The following BTBD9 variants were observed in gnomAD, a reference collection of about 807,000 sequenced individuals.
BTBD9 encodes BTB/POZ domain-containing protein 9.
Under a neutral mutation model 64.3 loss-of-function variants are expected in BTBD9, and 49 were observed. That is an observed-to-expected ratio of 0.76 (90% CI 0.61 to 0.97). The LOEUF is 0.97. Among genes scored for constraint, BTBD9 ranks in the 50% least tolerant of loss-of-function variants. The pLI, the probability that BTBD9 is intolerant of heterozygous loss-of-function variation, is 0.00. For synonymous variants in BTBD9, 260 were observed against 274.7 expected, an observed-to-expected ratio of 0.95 and a Z score of 0.53; for missense variants, 598 against 762.1, an observed-to-expected ratio of 0.78 and a Z score of 2.53.
chr6:38,572,132 C>T (rs1427019376), intron 6 of BTBD9, among the ~76,000 whole-genome samples: 1 of 152,148 alleles, frequency 6.6e-6, no homozygotes, highest in Non-Finnish European at 1.5e-5. Flanking sequence ...CTGTTACTAT[C>T]ACAGTACCAT....
chr6:38,446,477 C>T (rs1352597960), intron 6 of BTBD9, among the ~76,000 whole-genome samples: 1 of 152,076 alleles, frequency 6.6e-6, no homozygotes, highest in Non-Finnish European at 1.5e-5. Context: ...GGTAGCTGTT[C>T]ACTTTTGTTT....
chr6:38,616,457 C>CT (rs202074071), intron 1 of BTBD9, among the ~76,000 whole-genome samples: 8,293 of 152,046 alleles, frequency 0.055, 339 homozygotes, highest in Admixed American at 0.12. Flanking sequence ...CTACTAAACA[C>CT]TTTTTTTTAA....
chr6:38,524,755 A>G (rs1323272580), intron 6 of BTBD9, among the ~76,000 whole-genome samples: 3 of 152,186 alleles, frequency 2.0e-5, no homozygotes, highest in Admixed American at 1.3e-4. Context: ...CTTGATAAAC[A>G]TTATAAAATT....
chr6:38,447,742 TC>T (rs1039580180), intron 6 of BTBD9, among the ~76,000 whole-genome samples: 3 of 152,232 alleles, frequency 2.0e-5, no homozygotes, highest in African/African-American at 7.2e-5. Context: ...TCCTTCTTTT[TC>T]CCTATTCACC....
chr6:38,522,494 C>A (rs957055735), intron 6 of BTBD9, among the ~76,000 whole-genome samples: 1 of 152,206 alleles, frequency 6.6e-6, no homozygotes, highest in African/African-American at 2.4e-5. Flanking sequence ...GCTCTGTTTG[C>A]AAATGCTTCT....
intron 7 of BTBD9, among the ~76,000 whole-genome samples, chr6:38,321,862 AT>A (rs1763248040): frequency 2.0e-5 from 3 of 151,428 alleles, no homozygotes; most frequent in African/African-American, 7.3e-5. Flanking sequence ...CACCACACAT[AT>A]TTACATATAT....
At chr6:38,219,100 G>C (rs1019614933) in intron 9 of BTBD9, among the ~76,000 whole-genome samples, 1 of 146,444 alleles carries the variant, frequency 6.8e-6, no homozygotes, top group East Asian at 2.0e-4. Context: ...GGGACAGATA[G>C]TATTAAGTCA....
intron 6 of BTBD9, among the ~76,000 whole-genome samples, chr6:38,521,400 T>C (rs925978003): frequency 2.0e-5 from 3 of 152,360 alleles, no homozygotes; most frequent in South Asian, 4.1e-4. Context: ...TCTACTTTAA[T>C]ACAGGTTGAG....
chr6:38,238,047 A>G (rs1561911464), intron 9 of BTBD9, among the ~76,000 whole-genome samples: 1 of 152,226 alleles, frequency 6.6e-6, no homozygotes, highest in Non-Finnish European at 1.5e-5. Context: ...TGGGAGATGG[A>G]AGCAGGAGGA....
chr6:38,181,182 C>T (rs1761538013), intron 10 of BTBD9, among the ~76,000 whole-genome samples: 1 of 152,160 alleles, frequency 6.6e-6, no homozygotes, highest in Non-Finnish European at 1.5e-5. Flanking sequence ...CCTAAGAGTC[C>T]ACTGTGAACT....
At chr6:38,544,193 G>C (rs980775578) in intron 6 of BTBD9, among the ~76,000 whole-genome samples, 10 of 152,034 alleles carry the variant, frequency 6.6e-5, no homozygotes, top group Non-Finnish European at 1.2e-4. Context: ...CTCATATTAG[G>C]TATTATAAGT....
intron 6 of BTBD9, among the ~76,000 whole-genome samples, chr6:38,445,392 T>C (rs956910605): frequency 4.6e-5 from 7 of 152,216 alleles, no homozygotes; most frequent in African/African-American, 1.7e-4. Flanking sequence ...CTGAAGAGTT[T>C]AATAAAAGGC....
At chr6:38,257,585 AT>A (rs1173289761) in intron 8 of BTBD9, among the ~76,000 whole-genome samples, 1 of 152,112 alleles carries the variant, frequency 6.6e-6, no homozygotes, top group African/African-American at 2.4e-5. Flanking sequence ...TCTCACCAGG[AT>A]TTTTACATAG....
At chr6:38,408,520 C>G (rs149668296) in intron 6 of BTBD9, among the ~76,000 whole-genome samples, 3 of 152,140 alleles carry the variant, frequency 2.0e-5, no homozygotes, top group African/African-American at 7.2e-5. Flanking sequence ...TTCCTTTGCT[C>G]GGGTTGAAAT....
intron 6 of BTBD9, among the ~76,000 whole-genome samples, chr6:38,363,422 C>G (rs1177585780): frequency 6.6e-6 from 1 of 152,186 alleles, no homozygotes; most frequent in African/African-American, 2.4e-5. Context: ...TAACAAAAAC[C>G]TAAACAATTA....
chr6:38,242,848 A>C (rs533490683), intron 9 of BTBD9, among the ~76,000 whole-genome samples: 39 of 152,376 alleles, frequency 2.6e-4, no homozygotes, highest in African/African-American at 9.1e-4. Flanking sequence ...AAAAATGGCT[A>C]GATTTTTAAA....
chr6:38,416,987 A>G (rs1219516111), intron 6 of BTBD9, among the ~76,000 whole-genome samples: 3 of 152,128 alleles, frequency 2.0e-5, no homozygotes, highest in Non-Finnish European at 4.4e-5. Context: ...CCCAGGCTGG[A>G]GTGCAGTGGT....
At chr6:38,479,383 T>TA (rs1011534645) in intron 6 of BTBD9, among the ~76,000 whole-genome samples, 47 of 151,844 alleles carry the variant, frequency 3.1e-4, no homozygotes, top group African/African-American at 1.1e-3. Flanking sequence ...GGAGGAAGCA[T>TA]AAAAAAAATC....
chr6:38,441,778 A>G (rs1042193041), intron 6 of BTBD9, among the ~76,000 whole-genome samples: 2 of 152,150 alleles, frequency 1.3e-5, no homozygotes, highest in African/African-American at 4.8e-5. Context: ...TGGGTGCCAG[A>G]TACTATTCTA....
Sources: gnomAD v4.1 joint callset for allele counts (sites outside exome capture counted in the v4.1 genomes callset) on GRCh38, gnomAD v4.1.1 for gene constraint, MANE v1.5 for transcripts, NCBI Gene and HGNC (gene_info 2026-07-23, HGNC 2026-07-21) for gene names.